DNER: variants seen among roughly 807,000 people sequenced by gnomAD.
DNER encodes the protein delta/notch like EGF repeat containing, also known as delta and Notch-like epidermal growth factor-related receptor.
A neutral mutation model predicts 78.2 loss-of-function variants in DNER; 33 were observed. That is an observed-to-expected ratio of 0.42 (90% CI 0.32 to 0.56). The LOEUF is 0.56. Among genes scored for constraint, DNER ranks in the 20% least tolerant of loss-of-function variants. The probability of loss-of-function intolerance (pLI) is 0.11; values close to 1 mark genes in which losing one functional copy is unlikely to be tolerated. For synonymous variants in DNER, 417 were observed against 384.8 expected, an observed-to-expected ratio of 1.08 and a Z score of -0.98; for missense variants, 918 against 975.3, an observed-to-expected ratio of 0.94 and a Z score of 0.78.
At chr2:229,409,830 C>T (rs756962938) in intron 9 of DNER, among the ~76,000 whole-genome samples, 11 of 152,232 alleles carry the variant, frequency 7.2e-5, no homozygotes, top group Middle Eastern at 3.4e-3. Context: ...ACTTTGGTGA[C>T]TCACATTTCT....
intron 11 of DNER, among the ~76,000 whole-genome samples, chr2:229,375,953 A>G (rs532802913): frequency 4.6e-5 from 7 of 152,252 alleles, no homozygotes; most frequent in African/African-American, 1.7e-4. Flanking sequence ...TTCTCATGAA[A>G]GTGAGTTCTC....
intron 1 of DNER, among the ~76,000 whole-genome samples, chr2:229,711,546 A>C (rs1223837866): frequency 6.6e-6 from 1 of 152,198 alleles, no homozygotes; most frequent in Non-Finnish European, 1.5e-5. Context: ...TCCTTTTTTA[A>C]AAAAGCCTAA....
chr2:229,379,876 T>C (rs1209462699), intron 11 of DNER, among the ~76,000 whole-genome samples: 2 of 152,194 alleles, frequency 1.3e-5, no homozygotes, highest in East Asian at 1.9e-4. Flanking sequence ...AATTTTACCA[T>C]TGAAATCCTT....
intron 5 of DNER, among the ~76,000 whole-genome samples, chr2:229,540,731 G>C (rs1696495466): frequency 6.6e-6 from 1 of 152,184 alleles, no homozygotes; most frequent in Non-Finnish European, 1.5e-5. Context: ...GACTCGTCAG[G>C]GGCCAGAAAT....
chr2:229,657,448 C>T (rs940216198), intron 1 of DNER, among the ~76,000 whole-genome samples: 1 of 152,134 alleles, frequency 6.6e-6, no homozygotes, highest in Non-Finnish European at 1.5e-5. Context: ...GCAGTGAACA[C>T]AGGGATACAG....
chr2:229,376,468 A>G (rs1254026027), intron 11 of DNER, among the ~76,000 whole-genome samples: 1 of 152,204 alleles, frequency 6.6e-6, no homozygotes, highest in Non-Finnish European at 1.5e-5. Flanking sequence ...TAGTATCCCA[A>G]GCAAACTAAG....
At chr2:229,481,674 T>C (rs1391228719) in intron 6 of DNER, among the ~76,000 whole-genome samples, 1 of 152,126 alleles carries the variant, frequency 6.6e-6, no homozygotes, top group Non-Finnish European at 1.5e-5. Context: ...TTGGCCTGGG[T>C]TTTCTTTCTT....
chr2:229,375,318 A>C (rs1039046782), intron 11 of DNER, among the ~76,000 whole-genome samples: 1 of 152,226 alleles, frequency 6.6e-6, no homozygotes, highest in Non-Finnish European at 1.5e-5. Context: ...TATCCCATTT[A>C]TCAAGGCCTA....
chr2:229,510,887 T>C (rs1431799554), intron 6 of DNER, among the ~76,000 whole-genome samples: 11 of 152,152 alleles, frequency 7.2e-5, no homozygotes, highest in Admixed American at 7.2e-4. Flanking sequence ...AAATGCATAC[T>C]GAAAAAAGGC....
intron 6 of DNER, among the ~76,000 whole-genome samples, chr2:229,499,114 C>T (rs1481087639): frequency 1.3e-5 from 2 of 152,072 alleles, no homozygotes; most frequent in Admixed American, 6.6e-5. Flanking sequence ...TATGCTTTTG[C>T]AGTCACTTGA....
chr2:229,440,394 C>T (rs1038069134), intron 8 of DNER, among the ~76,000 whole-genome samples: 1 of 152,158 alleles, frequency 6.6e-6, no homozygotes, highest in Non-Finnish European at 1.5e-5. Flanking sequence ...CATCCTCCTC[C>T]CTCCCCTGAC....
At chr2:229,498,138 A>T (rs1042954544) in intron 6 of DNER, among the ~76,000 whole-genome samples, 7 of 152,214 alleles carry the variant, frequency 4.6e-5, no homozygotes, top group African/African-American at 1.7e-4. Context: ...CAAATCAATA[A>T]ATATGATATA....
At chr2:229,656,155 T>C (rs577167705) in intron 1 of DNER, among the ~76,000 whole-genome samples, 35 of 152,250 alleles carry the variant, frequency 2.3e-4, no homozygotes, top group African/African-American at 6.7e-4. Flanking sequence ...ACCTGAGCCA[T>C]TAATGAAGTA....
intron 4 of DNER, among the ~76,000 whole-genome samples, chr2:229,552,070 A>AAGATTACTGAG (rs1310923992): frequency 6.6e-6 from 1 of 152,244 alleles, no homozygotes; most frequent in Non-Finnish European, 1.5e-5. Flanking sequence ...TCATACAATG[A>AAGATTACTGAG]AGATTACTGA....
intron 5 of DNER, among the ~76,000 whole-genome samples, chr2:229,533,853 C>T (rs764016835): frequency 3.8e-4 from 58 of 152,184 alleles, no homozygotes; most frequent in Non-Finnish European, 6.3e-4. Context: ...TCTGAGCTTT[C>T]AAGAGCAAAT....
intron 1 of DNER, among the ~76,000 whole-genome samples, chr2:229,615,491 C>T (rs190193294): frequency 4.9e-4 from 75 of 151,538 alleles, no homozygotes; most frequent in Non-Finnish European, 8.5e-4. Flanking sequence ...GGGTGGATCA[C>T]GAGGTCAGGA....
intron 11 of DNER, 32 bp downstream of exon 11, chr2:229,388,233 A>C: frequency 1.9e-6 from 3 of 1,586,600 alleles, no homozygotes; most frequent in Non-Finnish European, 2.6e-6. Context: ...ATAAATGTTA[A>C]ATAACAGTGG....
chr2:229,586,120 T>C (rs1697490832), intron 3 of DNER, 96 bp from the exon 4 acceptor site: 34 of 1,395,428 alleles, frequency 2.4e-5, no homozygotes, highest in Non-Finnish European at 3.2e-5. Context: ...AGATGGTATG[T>C]GCATCTACCA....
At chr2:229,707,180 A>ATTTTTTTTTTTTTTTTTTTTTTTTTTTT in intron 1 of DNER, among the ~76,000 whole-genome samples, 1 of 94,610 alleles carries the variant, frequency 1.1e-5, no homozygotes, top group Non-Finnish European at 1.9e-5. Flanking sequence ...CGGCTGGCTA[A>ATTTTTTTTTTTTTTTTTTTTTTTTTTTT]TTTTTTTTTT....
Sources: gnomAD v4.1 joint callset for allele counts (sites outside exome capture counted in the v4.1 genomes callset) on GRCh38, gnomAD v4.1.1 for gene constraint, MANE v1.5 for transcripts, NCBI Gene and HGNC (gene_info 2026-07-23, HGNC 2026-07-21) for gene names.